Variants in DIP2A observed in about 807,000 individuals in gnomAD.
DIP2A encodes DIP2 acetate--CoA ligase A.
A neutral mutation model predicts 177.4 loss-of-function variants in DIP2A; 85 were observed. That is an observed-to-expected ratio of 0.48 (90% CI 0.40 to 0.57). The LOEUF is 0.57. DIP2A is among the 20% of genes least tolerant of loss of function. The probability of loss-of-function intolerance (pLI) is 0.00; values close to 1 mark genes in which losing one functional copy is unlikely to be tolerated. For missense variants in DIP2A, 1,791 were observed against 2,100.2 expected (o/e 0.85, Z 2.88); for synonymous variants, 886 against 881.8 (o/e 1.00, Z -0.08).
At chr21:46,552,749 T>C (rs1473129888) in intron 25 of DIP2A, among the ~76,000 whole-genome samples, 2 of 152,228 alleles carry the variant, frequency 1.3e-5, no homozygotes, top group Non-Finnish European at 1.5e-5. Context: ...AGAAAACAAG[T>C]TCCGTAGGAG....
At position 46,466,966 on chromosome 21, in the gene DIP2A, T is replaced by C. The variant is rs139032484; in HGVS notation, c.91+7744T>C. 4.3e-3 allele frequency among the ~76,000 whole-genome samples: 662 copies of C among 152,280 alleles called. 10 individuals are homozygous for C. The highest frequency in any genetic ancestry group is 2.5e-3 in the Non-Finnish European group (172 of 68,028). On this transcript the variant is annotated intron_variant, in intron 1 of 37. Coordinates refer to ENST00000417564, the MANE Select transcript of DIP2A (RefSeq NM_015151.4). The stretch of plus-strand genomic sequence containing the variant: ...CTTTTATTTTTAGTAAAAAATATTA[T>C]TTACCTTAATATCTAGTCAGTTTAT...
In DIP2A at chr21:46,537,391, C is replaced by T. The variant is rs995453644; in HGVS notation, c.1708-55C>T. ...GGGAGAGTACATCGGTTTTGTTTTG[C>T]TTTTTCTGGTGTGGCTCGGGCCCAC... On this transcript the variant is annotated intron_variant, in intron 14 of 37. Coordinates refer to ENST00000417564, the MANE Select transcript of DIP2A (RefSeq NM_015151.4). This position sits in a 1 kb window ranked among gnomAD's most constrained non-coding sequence, Gnocchi z 4.1. 5.6e-6 allele frequency: 9 copies of T among 1,610,948 alleles called. No individual in the cohort carries two copies. In the African/African-American group the frequency reaches 1.1e-4, roughly 19 times the overall value.
chr21:46,503,663 CTT>C (rs773365973), intron 5 of DIP2A, among the ~76,000 whole-genome samples: 46,386 of 120,312 alleles, frequency 0.39, 10,361 homozygotes, highest in African/African-American at 0.45. Flanking sequence ...TTCTTTCTTT[CTT>C]TTTCTTTCTT....
rs2060869912 is a variant in DIP2A at position 46,567,468 on chromosome 21, TGCTG to T, written c.4564_4567del (p.Leu1522ArgfsTer17). The T allele has an allele frequency of 6.2e-7, 1 of 1,613,920 alleles. No homozygotes were observed. The highest frequency in any genetic ancestry group is 8.5e-7 in the Non-Finnish European group (1 of 1,179,880). On this transcript the variant is annotated frameshift_variant, in exon 38 of 38. Coordinates refer to ENST00000417564, the MANE Select transcript of DIP2A (RefSeq NM_015151.4). LOFTEE classifies it high-confidence loss of function. ...CTGGTGGCCCTGGTGACCAACGTGG[TGCTG>T]GAGGAGCACTACCTGGTCGTGGGAG...
chr21:46,549,971 T>C, intron 22 of DIP2A, 86 bp downstream of exon 22: 2 of 1,577,098 alleles, frequency 1.3e-6, no homozygotes, highest in Middle Eastern at 1.7e-4. Flanking sequence ...GGTTGGCTTG[T>C]CCCGCCCGGT....
Position 46,533,539 on chromosome 21 carries a change from C to T in DIP2A, c.1321C>T (p.Gln441Ter). The change falls in exon 11 of 38, where the codon CAG (glutamine) becomes TAG (stop). Residue 441 changes from glutamine (Q) to a stop codon, truncating the protein, a stop_gained. Transcript: ENST00000417564. LOFTEE classifies it high-confidence loss of function. ...CTTTCTGCAGGATGCAGGCAGCCAG[C>T]AGGTTGGGTTTCTGCTGGGCAGCTG... ...PLTRKDAGSQ[Q>*]VGFLLGSCGV... The T allele has an allele frequency of 6.2e-7, 1 of 1,613,760 alleles. No individual in the cohort carries two copies. The highest frequency in any genetic ancestry group is 8.5e-7 in the Non-Finnish European group (1 of 1,179,792).
intron 1 of DIP2A, among the ~76,000 whole-genome samples, chr21:46,465,911 T>C (rs1233889317): frequency 6.6e-6 from 1 of 152,160 alleles, no homozygotes; most frequent in African/African-American, 2.4e-5. Context: ...CATTTTTGCT[T>C]GAAAAAGTGG....
At position 46,554,836 on chromosome 21, in the gene DIP2A, A is replaced by C. The variant is rs373251604; in HGVS notation, c.3291A>C (p.Ala1097=). 2.0e-6 allele frequency: 3 copies of C among 1,480,594 alleles called. No individual in the cohort carries two copies. The highest frequency in any genetic ancestry group is 3.1e-5 in the African/African-American group (2 of 63,506). 91.7% of individuals were successfully genotyped at this position (1,480,594 alleles called of 1,614,324 possible). The change falls in exon 28 of 38, where the codon GCA becomes GCC. Residue 1097 remains alanine (A), a synonymous_variant. Transcript: ENST00000417564. ...VKMIVEVSKS[A]CVLTTQAVTR... is the part of the protein sequence containing the mutation. ...TCGCCATGCAGGTCAGCAAGTCTGC[A>C]TGCGTCCTCACCACGCAGGCTGTCA...
rs1261085683 is a variant in DIP2A, at chr21:46,498,838, G to A, written c.655+5G>A. The A allele has an allele frequency of 6.2e-7, 1 of 1,608,136 alleles. No homozygotes were observed. Among genetic ancestry groups the A allele is most frequent in the South Asian group, 1.1e-5 (1 of 90,602 alleles). ...TCGAGGCCCACACCCACATAGGTCAGTAATAAGCTGCTGCGGCCCCTGTGC... is the reference window on the plus strand; with the variant it reads ...TCGAGGCCCACACCCACATAGGTCAATAATAAGCTGCTGCGGCCCCTGTGC... On this transcript the variant is annotated splice_donor_5th_base_variant and intron_variant, in intron 5 of 37. Transcript: ENST00000417564. This position sits in a 1 kb window ranked among gnomAD's most constrained non-coding sequence, Gnocchi z 4.3.
chr21:46,492,393 C>G (rs73372051), intron 3 of DIP2A, among the ~76,000 whole-genome samples: 2,212 of 152,252 alleles, frequency 0.015, 59 homozygotes, highest in African/African-American at 0.05. Context: ...GATGATCATA[C>G]CTTAATAATA....
chr21:46,504,573 C>T, intron 6 of DIP2A, 84 bp downstream of exon 6: 9 of 1,464,882 alleles, frequency 6.1e-6, no homozygotes, highest in Non-Finnish European at 8.1e-6. Context: ...AATGTATTCA[C>T]TGTAGCAAAC....
chr21:46,547,064 C>G, intron 21 of DIP2A, 22 bp downstream of exon 21: 1 of 1,607,848 alleles, frequency 6.2e-7, no homozygotes, highest in South Asian at 1.1e-5. Context: ...CGGACCCCCA[C>G]GCCGGGAGTA....
At chr21:46,491,491 A>G (rs997799464) in intron 3 of DIP2A, among the ~76,000 whole-genome samples, 2 of 152,262 alleles carry the variant, frequency 1.3e-5, no homozygotes, top group Admixed American at 1.3e-4. Context: ...TTTGATACAC[A>G]TTTATAAAAA....
In DIP2A at chr21:46,565,595, C is replaced by G. The variant is rs186542664; in HGVS notation, c.4165-118C>G. ...AAAATAAGAGACAATGAATATTATC[C>G]GCCCCGACTTCGTTCAGTGTTTTCT... On this transcript the variant is annotated intron_variant, in intron 35 of 37. Transcript: ENST00000417564. The G allele has an allele frequency of 2.9e-6, 3 of 1,043,254 alleles. No homozygotes were observed. In the East Asian group the frequency reaches 8.0e-5, roughly 28 times the overall value. The allele number at this position is 1,043,254 out of a possible 1,614,324, so 64.6% of individuals were successfully genotyped here.
chr21:46,533,961 C>T (rs1404159187), intron 11 of DIP2A, 43 bp from the exon 12 acceptor site: 3 of 1,537,092 alleles, frequency 2.0e-6, no homozygotes, highest in Admixed American at 1.8e-5. Flanking sequence ...GGAGCAGATG[C>T]CTCTGACTGC....
At chr21:46,527,874 C>G (rs916007584) in intron 8 of DIP2A, among the ~76,000 whole-genome samples, 6 of 152,114 alleles carry the variant, frequency 3.9e-5, no homozygotes, top group African/African-American at 1.4e-4. Context: ...ACTCAGATTT[C>G]TCAGTCTTCC....
At chr21:46,469,172 C>G (rs2055135747) in intron 1 of DIP2A, 1 of 152,234 alleles carries the variant, frequency 6.6e-6, no homozygotes, top group African/African-American at 2.4e-5. Context: ...AAGGTTTGAT[C>G]TGCTCATCTT....
chr21:46,476,585 A>G (rs775823445), intron 1 of DIP2A, among the ~76,000 whole-genome samples: 29 of 152,100 alleles, frequency 1.9e-4, no homozygotes, highest in Non-Finnish European at 2.6e-4. Flanking sequence ...ATATAGAGGA[A>G]GCAGATCTAG....
intron 3 of DIP2A, among the ~76,000 whole-genome samples, chr21:46,493,051 C>T (rs892355887): frequency 6.6e-6 from 1 of 152,140 alleles, no homozygotes; most frequent in African/African-American, 2.4e-5. Context: ...AGAGAGCCCT[C>T]ACCGGACACC....
Sources: gnomAD v4.1 joint callset for allele counts (sites outside exome capture counted in the v4.1 genomes callset) on GRCh38, gnomAD v4.1.1 for gene constraint, Gnocchi (gnomAD v3.1) non-coding constraint, MANE v1.5 for transcripts, NCBI Gene and HGNC (gene_info 2026-07-23, HGNC 2026-07-21) for gene names.